Variants in SPATS2L observed in about 807,000 individuals in gnomAD.
SPATS2L encodes the protein spermatogenesis associated serine rich 2 like.
Under a neutral mutation model 59.6 loss-of-function variants are expected in SPATS2L, and 30 were observed. The ratio of observed to expected loss-of-function variants is 0.50; its 90% CI spans 0.38 to 0.68. SPATS2L has a LOEUF of 0.68. SPATS2L is among the 30% of genes least tolerant of loss of function. The probability of loss-of-function intolerance (pLI) is 0.00; values close to 1 mark genes in which losing one functional copy is unlikely to be tolerated. For missense variants in SPATS2L, 615 were observed against 700.0 expected, an observed-to-expected ratio of 0.88 and a Z score of 1.37; for synonymous variants, 252 against 263.5, an observed-to-expected ratio of 0.96 and a Z score of 0.42.
At chr2:200,402,028 G>A (rs2082544677) in intron 3 of SPATS2L, among the ~76,000 whole-genome samples, 1 of 152,192 alleles carries the variant, frequency 6.6e-6, no homozygotes, top group Non-Finnish European at 1.5e-5. Flanking sequence ...AATCACCCAT[G>A]TGCCTTCATC....
chr2:200,475,822 A>C (rs2087474990), intron 12 of SPATS2L, among the ~76,000 whole-genome samples: 1 of 152,138 alleles, frequency 6.6e-6, no homozygotes, highest in Non-Finnish European at 1.5e-5. Context: ...ATAAAATTTC[A>C]TGTTTTCTTA....
chr2:200,306,305 G>A (rs1271345841), upstream of SPATS2L: 16 of 1,002,256 alleles, frequency 1.6e-5, no homozygotes, highest in African/African-American at 1.7e-5. Flanking sequence ...AGGAGAAGAT[G>A]ATTCTCTTGC....
At chr2:200,336,879 G>A (rs535362080) in intron 2 of SPATS2L, among the ~76,000 whole-genome samples, 2 of 152,056 alleles carry the variant, frequency 1.3e-5, no homozygotes, top group Non-Finnish European at 2.9e-5. Flanking sequence ...TGTTTTTCAA[G>A]CACATGTACA....
chr2:200,462,714 C>T (rs1048202161), intron 9 of SPATS2L, among the ~76,000 whole-genome samples: 1 of 151,890 alleles, frequency 6.6e-6, no homozygotes, highest in African/African-American at 2.4e-5. Flanking sequence ...GCCAAGAGTT[C>T]GAGACCAAGC....
At chr2:200,307,598 C>G (rs765924573) in intron 1 of SPATS2L, among the ~76,000 whole-genome samples, 1 of 152,190 alleles carries the variant, frequency 6.6e-6, no homozygotes, top group Non-Finnish European at 1.5e-5. Context: ...AGTCCGCGGG[C>G]TGCGGACCCC....
chr2:200,407,694 A>C (rs534327445), intron 3 of SPATS2L, among the ~76,000 whole-genome samples: 28 of 152,308 alleles, frequency 1.8e-4, no homozygotes, highest in African/African-American at 6.7e-4. Context: ...AAATCTCATA[A>C]ATATTCCTCC....
At chr2:200,354,573 A>G (rs1179746183) in intron 2 of SPATS2L, among the ~76,000 whole-genome samples, 2 of 151,794 alleles carry the variant, frequency 1.3e-5, no homozygotes, top group African/African-American at 2.4e-5. Flanking sequence ...GTGCCATTGC[A>G]CTTCAGCCTG....
chr2:200,318,945 G>T (rs7604901), intron 1 of SPATS2L, among the ~76,000 whole-genome samples: 1 of 152,130 alleles, frequency 6.6e-6, no homozygotes, highest in East Asian at 1.9e-4. Context: ...AGCCCATTTC[G>T]ATTTGGACTT....
At chr2:200,400,864 T>C (rs1574400369) in intron 3 of SPATS2L, among the ~76,000 whole-genome samples, 1 of 152,216 alleles carries the variant, frequency 6.6e-6, no homozygotes. Context: ...AGACGAAGAA[T>C]TGGTAAAAAG....
intron 2 of SPATS2L, among the ~76,000 whole-genome samples, chr2:200,357,980 G>T (rs759553823): frequency 3.0e-4 from 45 of 152,244 alleles, no homozygotes; most frequent in Non-Finnish European, 5.6e-4. Context: ...CAAGGAAACT[G>T]GCCTGATGTT....
intron 1 of SPATS2L, among the ~76,000 whole-genome samples, chr2:200,310,442 C>T (rs2079156309): frequency 6.6e-6 from 1 of 152,136 alleles, no homozygotes; most frequent in Non-Finnish European, 1.5e-5. Context: ...GATGGGAGGC[C>T]GTCAGCCATC....
chr2:200,436,218 C>A (rs2084280851), intron 6 of SPATS2L, among the ~76,000 whole-genome samples: 1 of 152,146 alleles, frequency 6.6e-6, no homozygotes, highest in Non-Finnish European at 1.5e-5. Flanking sequence ...TCACTGGATA[C>A]AGTGACTTTC....
intron 3 of SPATS2L, among the ~76,000 whole-genome samples, chr2:200,407,167 C>T (rs2082715941): frequency 6.6e-6 from 1 of 151,802 alleles, no homozygotes; most frequent in Non-Finnish European, 1.5e-5. Context: ...AAACACTTTA[C>T]AGGCATCATC....
chr2:200,307,795 G>C (rs1343975122), intron 1 of SPATS2L, among the ~76,000 whole-genome samples: 4 of 152,234 alleles, frequency 2.6e-5, no homozygotes, highest in African/African-American at 9.6e-5. Flanking sequence ...TGAACTTCAC[G>C]AGCTTCTCAT....
intron 2 of SPATS2L, among the ~76,000 whole-genome samples, chr2:200,368,046 T>C (rs2081317691): frequency 6.6e-6 from 1 of 152,186 alleles, no homozygotes; most frequent in Non-Finnish European, 1.5e-5. Context: ...AAGAAGTTGA[T>C]GAATGGCAGG....
At chr2:200,441,944 T>C (rs1483727307) in intron 8 of SPATS2L, among the ~76,000 whole-genome samples, 1 of 152,170 alleles carries the variant, frequency 6.6e-6, no homozygotes, top group Non-Finnish European at 1.5e-5. Flanking sequence ...TTAACACTAA[T>C]CTAAAATGCA....
At chr2:200,440,115 G>A (rs931421582) in intron 7 of SPATS2L, among the ~76,000 whole-genome samples, 4 of 152,212 alleles carry the variant, frequency 2.6e-5, no homozygotes, top group Non-Finnish European at 5.9e-5. Context: ...GAAATCAGGC[G>A]AGATGGGCAC....
intron 1 of SPATS2L, among the ~76,000 whole-genome samples, chr2:200,320,906 C>A (rs1293478455): frequency 2.0e-5 from 3 of 151,868 alleles, no homozygotes; most frequent in Admixed American, 6.6e-5. Flanking sequence ...AAACACAAAT[C>A]TATAATATAT....
chr2:200,464,513 C>T (rs1269008260), intron 9 of SPATS2L, among the ~76,000 whole-genome samples: 1 of 152,110 alleles, frequency 6.6e-6, no homozygotes, highest in Non-Finnish European at 1.5e-5. Context: ...GAACAATGGC[C>T]CTTAATTGTC....
Sources: allele counts gnomAD v4.1 joint callset (sites outside exome capture counted in the v4.1 genomes callset), GRCh38; gene constraint gnomAD v4.1.1; transcripts MANE v1.5; gene names NCBI Gene and HGNC (gene_info 2026-07-23, HGNC 2026-07-21).